MTMR2: variants seen among roughly 807,000 people sequenced by gnomAD.
The protein encoded by MTMR2 is myotubularin related protein 2, also known as phosphatidylinositol-3,5-bisphosphate 3-phosphatase MTMR2.
A neutral mutation model predicts 86.9 loss-of-function variants in MTMR2; 55 were observed. The ratio of observed to expected loss-of-function variants is 0.63; its 90% CI spans 0.51 to 0.79. The LOEUF is 0.79. MTMR2 is among the 30% of genes least tolerant of loss of function. MTMR2 has a pLI of 0.00. For missense variants in MTMR2, 659 were observed against 772.3 expected, an observed-to-expected ratio of 0.85 and a Z score of 1.74; for synonymous variants, 241 against 266.8, an observed-to-expected ratio of 0.90 and a Z score of 0.94.
intron 2 of MTMR2, among the ~76,000 whole-genome samples, chr11:95,870,880 T>TC (rs1183511276): frequency 2.0e-5 from 3 of 150,934 alleles, no homozygotes; most frequent in Middle Eastern, 3.4e-3. Context: ...ATGCTATCCC[T>TC]CCCCCCTTCC....
At chr11:95,875,799 T>C (rs1433451534) in intron 2 of MTMR2, among the ~76,000 whole-genome samples, 1 of 152,206 alleles carries the variant, frequency 6.6e-6, no homozygotes, top group African/African-American at 2.4e-5. Context: ...CCTTTCTGTT[T>C]GTTAGTTTTC....
chr11:95,913,761 A>G (rs1013833749), intron 1 of MTMR2, among the ~76,000 whole-genome samples: 1 of 151,870 alleles, frequency 6.6e-6, no homozygotes, highest in African/African-American at 2.4e-5. Flanking sequence ...AGAGGAGGGG[A>G]AAAAAAGAAA....
chr11:95,870,843 G>A (rs898400560), intron 2 of MTMR2, among the ~76,000 whole-genome samples: 8 of 149,508 alleles, frequency 5.4e-5, no homozygotes, highest in Non-Finnish European at 8.8e-5. Flanking sequence ...CCATTAACTC[G>A]TCATTTAACA....
chr11:95,865,398 C>A, intron 3 of MTMR2: 1 of 582,906 alleles, frequency 1.7e-6, no homozygotes, highest in Non-Finnish European at 3.1e-6. Context: ...GCATGTTTCC[C>A]AGGAGTTCAA....
chr11:95,842,752 C>T (rs1271505641), intron 11 of MTMR2, among the ~76,000 whole-genome samples: 2 of 152,194 alleles, frequency 1.3e-5, no homozygotes. Flanking sequence ...AATTCTGGTG[C>T]CTTTGCAGGC....
intron 1 of MTMR2, among the ~76,000 whole-genome samples, chr11:95,892,808 G>A (rs1865758441): frequency 6.6e-6 from 1 of 152,108 alleles, no homozygotes; most frequent in Non-Finnish European, 1.5e-5. Flanking sequence ...AGTCCACAGT[G>A]AATAAACTCC....
chr11:95,905,327 C>CTG (rs1555073876), intron 1 of MTMR2, among the ~76,000 whole-genome samples: 2 of 59,260 alleles, frequency 3.4e-5, no homozygotes, highest in South Asian at 6.0e-4. Flanking sequence ...ACGCACGCAC[C>CTG]TGCGCACACA....
chr11:95,904,434 C>T (rs1388159416), intron 1 of MTMR2, among the ~76,000 whole-genome samples: 4 of 152,174 alleles, frequency 2.6e-5, no homozygotes, highest in African/African-American at 7.2e-5. Flanking sequence ...TAAAATAAGG[C>T]TGAAACCTGC....
chr11:95,882,708 C>T (rs896917291), intron 2 of MTMR2, among the ~76,000 whole-genome samples: 1 of 149,498 alleles, frequency 6.7e-6, no homozygotes, highest in Non-Finnish European at 1.5e-5. Context: ...ACATAAAAGA[C>T]ATAATTATTT....
At chr11:95,850,976 T>G (rs1300208697) in intron 7 of MTMR2, among the ~76,000 whole-genome samples, 1 of 151,896 alleles carries the variant, frequency 6.6e-6, no homozygotes, top group African/African-American at 2.4e-5. Context: ...TAACAGACAT[T>G]AATTCACTAA....
At chr11:95,867,816 G>GA (rs34354215) in intron 2 of MTMR2, among the ~76,000 whole-genome samples, 94 of 126,150 alleles carry the variant, frequency 7.5e-4, no homozygotes, top group East Asian at 2.7e-3. Context: ...AAAAGGCCTA[G>GA]AAAAAAAAAA....
intron 1 of MTMR2, among the ~76,000 whole-genome samples, chr11:95,922,349 C>T (rs935789374): frequency 2.6e-5 from 4 of 152,172 alleles, no homozygotes; most frequent in African/African-American, 7.2e-5. Flanking sequence ...TATTCTGAGG[C>T]ATAGTTGTCA....
intron 1 of MTMR2, among the ~76,000 whole-genome samples, chr11:95,890,440 C>T (rs1180511888): frequency 6.6e-6 from 1 of 152,160 alleles, no homozygotes; most frequent in African/African-American, 2.4e-5. Flanking sequence ...TTGCTATTCT[C>T]TTCCTTGTGG....
At chr11:95,916,762 TCTAGA>T (rs1168964709) in intron 1 of MTMR2, among the ~76,000 whole-genome samples, 1 of 152,174 alleles carries the variant, frequency 6.6e-6, no homozygotes, top group East Asian at 1.9e-4. Flanking sequence ...TCTTATTTAC[TCTAGA>T]CTAAAAATAT....
chr11:95,898,839 T>A (rs1591035882), intron 1 of MTMR2, among the ~76,000 whole-genome samples: 1 of 151,650 alleles, frequency 6.6e-6, no homozygotes, highest in African/African-American at 2.4e-5. Flanking sequence ...TCTAAAGAGG[T>A]TCAATACTCT....
chr11:95,848,029 G>A, intron 9 of MTMR2, 130 bp from the exon 10 acceptor site: 1 of 869,058 alleles, frequency 1.2e-6, no homozygotes, highest in Non-Finnish European at 1.9e-6. Flanking sequence ...AGGAAAATGT[G>A]GATGGCTCAG....
intron 5 of MTMR2, among the ~76,000 whole-genome samples, chr11:95,859,552 T>C (rs1001425377): frequency 2.0e-5 from 3 of 152,198 alleles, no homozygotes; most frequent in Non-Finnish European, 2.9e-5. Flanking sequence ...ACTTTTCCTA[T>C]GTTCTTATCT....
At chr11:95,896,491 C>T (rs558852885) in intron 1 of MTMR2, among the ~76,000 whole-genome samples, 1 of 151,848 alleles carries the variant, frequency 6.6e-6, no homozygotes, top group East Asian at 1.9e-4. Flanking sequence ...TGATTAATGA[C>T]TACGCTTCCT....
At position 95,902,575 on chromosome 11, in the gene MTMR2, C is replaced by T. The variant is rs114540457; in HGVS notation, c.81-14314G>A. On this transcript the variant is annotated intron_variant, in intron 1 of 14. Transcript: ENST00000346299. ...GTCAGAACTACCAGATTCTAATCCC[C>T]CTTCTCATTCTACCTCCCATTCACT... 6.2e-3 allele frequency among the ~76,000 whole-genome samples: 948 copies of T among 152,230 alleles called. 15 individuals carry two copies. The highest frequency in any genetic ancestry group is 0.021 in the African/African-American group (876 of 41,532).
Sources: allele counts gnomAD v4.1 joint callset (sites outside exome capture counted in the v4.1 genomes callset), GRCh38; gene constraint gnomAD v4.1.1; transcripts MANE v1.5; gene names NCBI Gene and HGNC (gene_info 2026-07-23, HGNC 2026-07-21).